The following SUSD1 variants were observed in gnomAD, a reference collection of about 807,000 sequenced individuals.
The protein encoded by SUSD1 is sushi domain containing 1, also known as sushi domain-containing protein 1.
A neutral mutation model predicts 86.9 loss-of-function variants in SUSD1; 65 were observed. The observed-to-expected ratio is 0.75, with a 90% CI of 0.61 to 0.92. The LOEUF is 0.92. Ranked by LOEUF, SUSD1 falls within the 40% of genes least tolerant of loss-of-function variation. The pLI, the probability that SUSD1 is intolerant of heterozygous loss-of-function variation, is 0.00. For missense variants in SUSD1, 850 were observed against 929.7 expected, an observed-to-expected ratio of 0.91 and a Z score of 1.11; for synonymous variants, 346 against 350.0, an observed-to-expected ratio of 0.99 and a Z score of 0.13.
intron 5 of SUSD1, among the ~76,000 whole-genome samples, chr9:112,131,388 C>A (rs899348989): frequency 1.3e-5 from 2 of 152,206 alleles, no homozygotes. Flanking sequence ...AGCAAGAGAG[C>A]TGCTGGAAAT....
chr9:112,161,551 G>A (rs1467982696), intron 1 of SUSD1, among the ~76,000 whole-genome samples: 1 of 151,888 alleles, frequency 6.6e-6, no homozygotes, highest in Non-Finnish European at 1.5e-5. Flanking sequence ...GGCCAGGCAG[G>A]GTGGCTCATG....
intron 5 of SUSD1, among the ~76,000 whole-genome samples, chr9:112,140,903 A>G (rs1472609192): frequency 6.6e-6 from 1 of 152,208 alleles, no homozygotes; most frequent in Non-Finnish European, 1.5e-5. Flanking sequence ...ATGTTACTAT[A>G]CTGATTACTG....
chr9:112,107,093 T>C (rs1246418704), intron 8 of SUSD1, among the ~76,000 whole-genome samples: 1 of 151,124 alleles, frequency 6.6e-6, no homozygotes, highest in African/African-American at 2.4e-5. Context: ...AGTGAGACCT[T>C]GTCTTTACAA....
chr9:112,096,449 C>A (rs766294101), intron 10 of SUSD1, among the ~76,000 whole-genome samples: 16 of 152,146 alleles, frequency 1.1e-4, no homozygotes, highest in Non-Finnish European at 2.2e-4. Context: ...ACACTCTGGC[C>A]AAGACTCAGC....
At chr9:112,166,558 A>T (rs947075974) in intron 1 of SUSD1, among the ~76,000 whole-genome samples, 1 of 152,216 alleles carries the variant, frequency 6.6e-6, no homozygotes, top group Non-Finnish European at 1.5e-5. Flanking sequence ...AAGAAAAGGC[A>T]ATACTGAAAG....
intron 15 of SUSD1, among the ~76,000 whole-genome samples, chr9:112,045,929 C>T (rs552439278): frequency 6.6e-6 from 1 of 152,182 alleles, no homozygotes; most frequent in Non-Finnish European, 1.5e-5. Flanking sequence ...ACGAAGAGGA[C>T]AAAAGCTAAG....
intron 6 of SUSD1, among the ~76,000 whole-genome samples, chr9:112,120,964 A>C (rs1190177700): frequency 1.3e-5 from 2 of 152,198 alleles, no homozygotes; most frequent in Non-Finnish European, 2.9e-5. Flanking sequence ...CCAAACATTG[A>C]ATTCAGCATT....
chr9:112,170,160 T>A (rs917702018), intron 1 of SUSD1, among the ~76,000 whole-genome samples: 6 of 152,166 alleles, frequency 3.9e-5, no homozygotes, highest in Admixed American at 2.0e-4. Flanking sequence ...ATGGTGGGCA[T>A]CTTCATCAAC....
intron 14 of SUSD1, among the ~76,000 whole-genome samples, chr9:112,052,665 T>G (rs1210908466): frequency 1.3e-5 from 2 of 152,102 alleles, no homozygotes; most frequent in East Asian, 3.8e-4. Flanking sequence ...TTCTATAGGT[T>G]TCCAACAGGT....
At chr9:112,115,523 C>T (rs1461741095) in intron 6 of SUSD1, among the ~76,000 whole-genome samples, 3 of 152,094 alleles carry the variant, frequency 2.0e-5, no homozygotes, top group African/African-American at 7.2e-5. Flanking sequence ...CAATTGTGGG[C>T]CAAGTGGGTG....
intron 6 of SUSD1, among the ~76,000 whole-genome samples, chr9:112,119,409 G>C (rs980146336): frequency 2.0e-5 from 3 of 152,174 alleles, no homozygotes; most frequent in African/African-American, 7.2e-5. Context: ...CTGGAGAAGA[G>C]GGTCACCAGC....
chr9:112,095,806 T>G (rs1237817165), intron 10 of SUSD1, among the ~76,000 whole-genome samples: 2 of 151,938 alleles, frequency 1.3e-5, no homozygotes, highest in Non-Finnish European at 2.9e-5. Flanking sequence ...ACTTGAAGAG[T>G]TTCCTAAGAT....
At chr9:112,086,144 AC>A (rs1401447474) in intron 10 of SUSD1, among the ~76,000 whole-genome samples, 1 of 151,264 alleles carries the variant, frequency 6.6e-6, no homozygotes, top group Non-Finnish European at 1.5e-5. Flanking sequence ...CCCTCTCACC[AC>A]CATCTCTACA....
chr9:112,095,606 A>C (rs142015364), intron 10 of SUSD1, among the ~76,000 whole-genome samples: 63 of 152,352 alleles, frequency 4.1e-4, no homozygotes, highest in African/African-American at 1.3e-3. Context: ...AGCTGAGGGT[A>C]ATTCCCCATG....
intron 12 of SUSD1, among the ~76,000 whole-genome samples, chr9:112,066,741 T>C (rs1375238532): frequency 1.3e-5 from 2 of 152,142 alleles, no homozygotes; most frequent in Non-Finnish European, 2.9e-5. Context: ...CCCATATGGT[T>C]CTTATGGGGC....
At chr9:112,138,266 C>CATATATAT (rs144187888) in intron 5 of SUSD1, among the ~76,000 whole-genome samples, 1 of 62,866 alleles carries the variant, frequency 1.6e-5, no homozygotes, top group African/African-American at 7.3e-5. Context: ...TGTGTATATA[C>CATATATAT]ATATATATAT....
intron 8 of SUSD1, among the ~76,000 whole-genome samples, chr9:112,110,527 T>C (rs1831047326): frequency 6.6e-6 from 1 of 151,618 alleles, no homozygotes; most frequent in African/African-American, 2.4e-5. Context: ...ACTGGGACTA[T>C]AGGCATGCAC....
chr9:112,078,747 GGGTGAAT>G, intron 11 of SUSD1, 23 bp from the exon 12 acceptor site: 2 of 1,602,818 alleles, frequency 1.2e-6, no homozygotes, highest in Non-Finnish European at 1.7e-6. Flanking sequence ...AAAGCTCACT[GGGTGAAT>G]GGTTGGCCTA....
chr9:112,087,867 G>T (rs1205550796), intron 10 of SUSD1, among the ~76,000 whole-genome samples: 1 of 151,948 alleles, frequency 6.6e-6, no homozygotes, highest in Non-Finnish European at 1.5e-5. Context: ...AATACTAAAG[G>T]GATACACTGG....
Sources: gnomAD v4.1 joint callset for allele counts (sites outside exome capture counted in the v4.1 genomes callset) on GRCh38, gnomAD v4.1.1 for gene constraint, MANE v1.5 for transcripts, NCBI Gene and HGNC (gene_info 2026-07-23, HGNC 2026-07-21) for gene names.